The following FXYD1 variants were observed in gnomAD, a reference collection of about 807,000 sequenced individuals.
The protein encoded by FXYD1 is FXYD domain containing ion transport regulator 1.
FXYD1 carries 9 observed loss-of-function variants against 17.2 expected under a neutral mutation model. The ratio of observed to expected loss-of-function variants is 0.52; its 90% CI spans 0.32 to 0.91. FXYD1 has a LOEUF of 0.91. Among genes scored for constraint, FXYD1 ranks in the 40% least tolerant of loss-of-function variants. The pLI is 0.04. For synonymous variants in FXYD1, 55 were observed against 45.8 expected, an observed-to-expected ratio of 1.20 and a Z score of -0.81; for missense variants, 113 against 120.6, an observed-to-expected ratio of 0.94 and a Z score of 0.29.
rs1336375349 is a variant in FXYD1 at position 35,142,989 on chromosome 19, G to C, written c.*102G>C. 8 of 515,080 alleles carry C rather than the reference G, an allele frequency of 1.6e-5. No individual in the cohort carries two copies. The Admixed American group carries it at 2.8e-4, about 18-fold the overall frequency. 31.9% of individuals were successfully genotyped at this position (515,080 alleles called of 1,614,324 possible). On this transcript the variant is annotated 3_prime_UTR_variant, in exon 8 of 8. Transcript: ENST00000351325. ...CGCCCCCTCCGCCGCCCCTTCCCCA[G>C]CCCTGCCCCCGCAGACTCCCCCTGC... is the stretch of plus-strand genomic sequence containing the variant.
chr19:35,140,274 G>C (rs1330767320), intron 2 of FXYD1, 134 bp downstream of exon 2: 5 of 680,980 alleles, frequency 7.3e-6, no homozygotes, highest in Non-Finnish European at 1.3e-5. Flanking sequence ...CTCCACGTGG[G>C]GTCCAGTCAC....
rs1347987903 is a variant in FXYD1, at chr19:35,141,297, GC to G, written c.169+97del. On this transcript the variant is annotated intron_variant, in intron 4 of 7. Coordinates refer to ENST00000351325, the MANE Select transcript of FXYD1 (RefSeq NM_021902.4). ...CTCTCCCTGGCCCCGCCTCTCCCTA[GC>G]CCCCCTCTCCCTGGCCCCGCTTCTC... 4.3e-4 allele frequency: 104 copies of G among 241,864 alleles called. No individual in the cohort carries two copies. The East Asian group carries it at 6.6e-3, about 15-fold the overall frequency. The allele number at this position is 241,864 out of a possible 1,614,324, so 15.0% of individuals were successfully genotyped here.
At chr19:35,137,488 C>T (rs765394700), upstream of FXYD1, among the ~76,000 whole-genome samples, 28 of 152,122 alleles carry the variant, frequency 1.8e-4, no homozygotes, top group Non-Finnish European at 2.9e-4. Context: ...GTGAGAGCGG[C>T]GGGTTGTCCT....
chr19:35,142,627 G>T (rs912234334), intron 6 of FXYD1, 93 bp from the exon 7 acceptor site: 23 of 1,537,474 alleles, frequency 1.5e-5, no homozygotes, highest in Non-Finnish European at 2.0e-5. Context: ...ATCTGAAAGC[G>T]GAGGGCGGGG....
intron 3 of FXYD1, chr19:35,140,871 C>T (rs779965728): frequency 1.5e-5 from 9 of 596,416 alleles, no homozygotes; most frequent in Non-Finnish European, 2.4e-5. Context: ...CTCAGCATCT[C>T]GTGGCCCATC....
intron 2 of FXYD1, among the ~76,000 whole-genome samples, chr19:35,140,388 C>G (rs185699200): frequency 2.0e-5 from 3 of 152,046 alleles, no homozygotes; most frequent in East Asian, 1.9e-4. Flanking sequence ...GACAGCCTGC[C>G]GTGAGTCAGG....
Position 35,138,890 on chromosome 19 carries a change from T to C in FXYD1, c.-9T>C, listed in dbSNP as rs1348213022. On this transcript the variant is annotated 5_prime_UTR_variant, in exon 1 of 8. Transcript: ENST00000351325. ...CTTCTTTCAGCAGGGGACAGCCCGA[T>C]TGGGGTGAGCGTCCCCCACTCCTTC... 4 of 152,488 alleles carry C rather than the reference T, an allele frequency of 2.6e-5. No homozygotes were observed. The highest frequency in any genetic ancestry group is 4.4e-5 in the Non-Finnish European group (3 of 68,298). The allele number at this position is 152,488 out of a possible 1,614,324, so 9.4% of individuals were successfully genotyped here.
At chr19:35,141,660 C>A (rs1265575105) in intron 5 of FXYD1, 88 bp downstream of exon 5, 8 of 1,045,578 alleles carry the variant, frequency 7.7e-6, no homozygotes, top group Non-Finnish European at 1.2e-5. Flanking sequence ...ACCCGCAGCC[C>A]GATCCCCGTC....
intron 2 of FXYD1, among the ~76,000 whole-genome samples, chr19:35,140,372 G>A (rs1032150853): frequency 2.1e-4 from 32 of 152,104 alleles, no homozygotes; most frequent in African/African-American, 6.8e-4. Context: ...GGATAACTGG[G>A]TCACAGACAG....
chr19:35,142,307 CTGCTCCTGGG>C, intron 5 of FXYD1, 155 bp from the exon 6 acceptor site: 1 of 608,728 alleles, frequency 1.6e-6, no homozygotes, highest in East Asian at 2.9e-5. Flanking sequence ...AGCACATAAG[CTGCTCCTGGG>C]TGCTCCTCAT....
intron 1 of FXYD1, 50 bp from the exon 2 acceptor site, chr19:35,140,026 A>T: frequency 6.5e-7 from 1 of 1,543,524 alleles, no homozygotes; most frequent in Non-Finnish European, 9.0e-7. Context: ...TTCAAGCCCT[A>T]TGTGGGAGAG....
rs1042502838 is a variant in FXYD1 at position 35,139,764 on chromosome 19, C to T, written c.-4-312C>T. On this transcript the variant is annotated intron_variant, in intron 1 of 7. Coordinates refer to ENST00000351325, the MANE Select transcript of FXYD1 (RefSeq NM_021902.4). ...TGAGGCAGCGCCTCCTCTGCCCTGC[C>T]AGGGTAGGTCTGGGAATCGGGGGCC... 3 of 343,604 alleles carry T rather than the reference C, an allele frequency of 8.7e-6. No individual in the cohort carries two copies. The East Asian group carries it at 1.9e-4, about 21-fold the overall frequency. 21.3% of individuals were successfully genotyped at this position (343,604 alleles called of 1,614,324 possible).
chr19:35,142,289 C>A, intron 5 of FXYD1, 183 bp from the exon 6 acceptor site: 1 of 568,596 alleles, frequency 1.8e-6, no homozygotes, highest in Non-Finnish European at 3.1e-6. Context: ...GCTTAGAAGC[C>A]CCCTGCCAGC....
At position 35,141,034 on chromosome 19, in the gene FXYD1, C is replaced by T. The variant is rs531474116; in HGVS notation, c.95-98C>T. 4.0e-6 allele frequency: 3 copies of T among 756,864 alleles called. 1 individual carries two copies. The South Asian group carries it at 4.4e-5, about 11-fold the overall frequency. The allele number at this position is 756,864 out of a possible 1,614,324, so 46.9% of individuals were successfully genotyped here. A position where few individuals can be genotyped will look rare whatever the true frequency, so the allele number is the denominator to read the frequency against. Reference sequence around the variant, plus strand: ...TATCTTACTTCCCCCCTTCTGCCTGCTGGTCCTTTCTCCCTGTTCCCTCCT... The same window carrying T: ...TATCTTACTTCCCCCCTTCTGCCTGTTGGTCCTTTCTCCCTGTTCCCTCCT... On this transcript the variant is annotated intron_variant, in intron 3 of 7. Coordinates refer to ENST00000351325, the MANE Select transcript of FXYD1 (RefSeq NM_021902.4).
rs371865318 is a variant in FXYD1 at position 35,142,652 on chromosome 19, G to C, written c.257-68G>C. 4,843 of 1,564,228 alleles carry C rather than the reference G, an allele frequency of 3.1e-3. 120 individuals carry two copies. The South Asian group carries it at 0.039, about 12-fold the overall frequency. On this transcript the variant is annotated intron_variant, in intron 6 of 7. Coordinates refer to ENST00000351325, the MANE Select transcript of FXYD1 (RefSeq NM_021902.4). Reference sequence around the variant, plus strand: ...GGAGGGCGGGGAGTTGCCCCGCCGCGGGCCCCACCTGCCCAGGAGCTGGGG... The same window carrying C: ...GGAGGGCGGGGAGTTGCCCCGCCGCCGGCCCCACCTGCCCAGGAGCTGGGG...
intron 1 of FXYD1, chr19:35,139,694 G>C (rs1251145359): frequency 9.9e-6 from 2 of 201,418 alleles, no homozygotes; most frequent in Non-Finnish European, 2.0e-5. Flanking sequence ...CATGTAGGCA[G>C]GTGGGACTTG....
At chr19:35,141,346 C>T in intron 4 of FXYD1, 140 bp downstream of exon 4, 1 of 610,646 alleles carries the variant, frequency 1.6e-6, no homozygotes, top group South Asian at 1.8e-5. Context: ...CCTCCCTGGC[C>T]CCGCCCCGCC....
chr19:35,140,503 AG>A, intron 2 of FXYD1, 93 bp from the exon 3 acceptor site: 1 of 1,156,422 alleles, frequency 8.6e-7, no homozygotes, highest in Non-Finnish European at 1.3e-6. Flanking sequence ...TCAGACTCTA[AG>A]CCCAGCAAGG....
chr19:35,142,367 G>A (rs1600487917), intron 5 of FXYD1, 105 bp from the exon 6 acceptor site: 3 of 842,150 alleles, frequency 3.6e-6, no homozygotes, highest in East Asian at 5.1e-5. Flanking sequence ...CCATATCTGG[G>A]CCTAGTTACA....
Sources: gnomAD v4.1 joint callset for allele counts (sites outside exome capture counted in the v4.1 genomes callset) on GRCh38, gnomAD v4.1.1 for gene constraint, MANE v1.5 for transcripts, NCBI Gene and HGNC (gene_info 2026-07-23, HGNC 2026-07-21) for gene names.